Variants in HS3ST5 observed in about 807,000 individuals in gnomAD.
The protein encoded by HS3ST5 is heparan sulfate-glucosamine 3-sulfotransferase 5, also known as heparan sulfate glucosamine 3-O-sulfotransferase 5.
A neutral mutation model predicts 25.4 loss-of-function variants in HS3ST5; 10 were observed. The observed-to-expected ratio is 0.39, with a 90% CI of 0.24 to 0.67. The LOEUF is 0.67. HS3ST5 is among the 30% of genes least tolerant of loss of function. The pLI is 0.44. For synonymous variants in HS3ST5, 170 were observed against 162.4 expected, an observed-to-expected ratio of 1.05 and a Z score of -0.36; for missense variants, 324 against 420.7, an observed-to-expected ratio of 0.77 and a Z score of 2.01.
In HS3ST5 at chr6:114,168,656, A is replaced by G. The variant is rs1014642663; in HGVS notation, c.-144-194T>C. Reference sequence around the variant, plus strand: ...TTTATTGAACAATTTGCAGGGGAAGAGCAGAAATCACATTTGAGCTTAACC... The same window carrying G: ...TTTATTGAACAATTTGCAGGGGAAGGGCAGAAATCACATTTGAGCTTAACC... On this transcript the variant is annotated intron_variant, in intron 2 of 4. Coordinates refer to ENST00000312719, the MANE Select transcript of HS3ST5 (RefSeq NM_153612.4). Among the ~76,000 whole-genome samples the G allele has an allele frequency of 3.9e-5, 6 of 152,158 alleles. No individual in the cohort carries two copies. The South Asian group carries it at 1.0e-3, about 26-fold the overall frequency.
chr6:114,266,617 C>T (rs996015086), intron 1 of HS3ST5, among the ~76,000 whole-genome samples: 4 of 152,102 alleles, frequency 2.6e-5, no homozygotes, highest in Admixed American at 1.3e-4. Context: ...CAGAAAACAA[C>T]ATTAATACTT....
intron 2 of HS3ST5, among the ~76,000 whole-genome samples, chr6:114,172,014 G>A (rs995220342): frequency 6.6e-6 from 1 of 151,874 alleles, no homozygotes; most frequent in African/African-American, 2.4e-5. Context: ...AAACCTCTAT[G>A]GTTGGGGAGA....
intron 1 of HS3ST5, among the ~76,000 whole-genome samples, chr6:114,337,782 T>TA (rs555005252): frequency 4.7e-4 from 70 of 149,966 alleles, no homozygotes; most frequent in East Asian, 2.9e-3. Flanking sequence ...TAAGTAAACT[T>TA]AAAAAAAAAA....
intron 2 of HS3ST5, among the ~76,000 whole-genome samples, chr6:114,177,955 T>C (rs375891712): frequency 6.6e-6 from 1 of 152,198 alleles, no homozygotes; most frequent in Non-Finnish European, 1.5e-5. Context: ...TGTTTAAACA[T>C]GAAAATTTTT....
intron 1 of HS3ST5, among the ~76,000 whole-genome samples, chr6:114,312,446 G>A (rs1018328345): frequency 3.3e-5 from 5 of 151,928 alleles, no homozygotes; most frequent in African/African-American, 1.2e-4. Context: ...TTTACAACAA[G>A]ACACAAGAGA....
chr6:114,333,034 A>G (rs1776466039), intron 1 of HS3ST5, among the ~76,000 whole-genome samples: 1 of 152,126 alleles, frequency 6.6e-6, no homozygotes, highest in African/African-American at 2.4e-5. Context: ...GCAGGTTAGT[A>G]AGCAAGTGAA....
chr6:114,084,124 T>A (rs1331834098), intron 3 of HS3ST5: 6 of 614,574 alleles, frequency 9.8e-6, no homozygotes, highest in South Asian at 1.9e-5. Context: ...TTATTTCCCA[T>A]CAACCTTATT....
intron 3 of HS3ST5, among the ~76,000 whole-genome samples, chr6:114,081,962 C>G (rs1036406416): frequency 6.6e-6 from 1 of 152,090 alleles, no homozygotes; most frequent in Non-Finnish European, 1.5e-5. Context: ...TTTACATTTA[C>G]GTTTTCATCA....
intron 3 of HS3ST5, among the ~76,000 whole-genome samples, chr6:114,106,122 A>G (rs1775981677): frequency 6.6e-6 from 1 of 152,100 alleles, no homozygotes; most frequent in Non-Finnish European, 1.5e-5. Flanking sequence ...TAATTAAGCT[A>G]AGGAGGTAAT....
At chr6:114,276,568 A>G (rs1773862269) in intron 1 of HS3ST5, among the ~76,000 whole-genome samples, 1 of 151,202 alleles carries the variant, frequency 6.6e-6, no homozygotes, top group South Asian at 2.1e-4. Flanking sequence ...AAATTAGCCC[A>G]TGACCTGCTA....
At chr6:114,158,060 G>A (rs969664666) in intron 3 of HS3ST5, among the ~76,000 whole-genome samples, 1 of 152,158 alleles carries the variant, frequency 6.6e-6, no homozygotes. Flanking sequence ...GTGAAGCAGC[G>A]CCTCCACTGT....
At chr6:114,180,779 T>A (rs944739863) in intron 2 of HS3ST5, among the ~76,000 whole-genome samples, 9 of 152,358 alleles carry the variant, frequency 5.9e-5, no homozygotes, top group African/African-American at 2.2e-4. Context: ...GAACCTTAAT[T>A]ACTTCCTAAA....
At chr6:114,294,431 AG>A (rs1335003362) in intron 1 of HS3ST5, among the ~76,000 whole-genome samples, 4 of 150,138 alleles carry the variant, frequency 2.7e-5, no homozygotes, top group Admixed American at 6.7e-5. Context: ...GCTAAGGTCA[AG>A]GTTAGAAACT....
At chr6:114,330,134 A>T (rs930033426) in intron 1 of HS3ST5, among the ~76,000 whole-genome samples, 1 of 152,050 alleles carries the variant, frequency 6.6e-6, no homozygotes, top group Non-Finnish European at 1.5e-5. Flanking sequence ...ATTTTTTTTT[A>T]AATGTTTAAA....
chr6:114,278,449 C>T (rs1773962841), intron 1 of HS3ST5, among the ~76,000 whole-genome samples: 2 of 151,620 alleles, frequency 1.3e-5, no homozygotes, highest in Admixed American at 1.3e-4. Context: ...TAGTGAAGTC[C>T]AACAAAATAA....
chr6:114,187,854 G>C lies in HS3ST5; in HGVS notation c.-144-19392C>G, dbSNP rs1448216599. On this transcript the variant is annotated intron_variant, in intron 2 of 4. Transcript: ENST00000312719. ...TTGCCACAGCCACCCAACCTTCAGC[G>C]ACCACAGACCTGACCAGTCAGCCAT... is the stretch of plus-strand genomic sequence containing the variant. Among the ~76,000 whole-genome samples, 3 of 152,138 alleles carry C rather than the reference G, an allele frequency of 2.0e-5. No homozygotes were observed. In the South Asian group the frequency reaches 6.2e-4, roughly 32 times the overall value.
rs570512316 is a variant in HS3ST5 at position 114,176,227 on chromosome 6, T to C, written c.-144-7765A>G. On this transcript the variant is annotated intron_variant, in intron 2 of 4. Coordinates refer to ENST00000312719, the MANE Select transcript of HS3ST5 (RefSeq NM_153612.4). ...TTTCAAAAGACTGTTTCAAATTGAT[T>C]CTGAGGAATTTGAGTTCTCCACACT... Among the ~76,000 whole-genome samples the C allele has an allele frequency of 2.0e-5, 3 of 151,378 alleles. No homozygotes were observed. The South Asian group carries it at 6.3e-4, about 32-fold the overall frequency.
chr6:114,139,020 T>A (rs993389245), intron 3 of HS3ST5, among the ~76,000 whole-genome samples: 17 of 152,128 alleles, frequency 1.1e-4, no homozygotes, highest in African/African-American at 4.1e-4. Flanking sequence ...CACCTTGGAG[T>A]TAGGATTTCA....
At chr6:114,085,980 T>G (rs1460967439) in intron 3 of HS3ST5, among the ~76,000 whole-genome samples, 1 of 135,650 alleles carries the variant, frequency 7.4e-6, no homozygotes, top group Non-Finnish European at 1.6e-5. Context: ...AACTTCTATA[T>G]CTGTTCTTTT....
Sources: allele counts gnomAD v4.1 joint callset (sites outside exome capture counted in the v4.1 genomes callset), GRCh38; gene constraint gnomAD v4.1.1; transcripts MANE v1.5; gene names NCBI Gene and HGNC (gene_info 2026-07-23, HGNC 2026-07-21).